The following ARHGEF10L variants were observed in gnomAD, a reference collection of about 807,000 sequenced individuals.
ARHGEF10L encodes rho guanine nucleotide exchange factor 10-like protein.
ARHGEF10L carries 69 observed loss-of-function variants against 141.2 expected under a neutral mutation model. The observed-to-expected ratio is 0.49, with a 90% CI of 0.40 to 0.60. ARHGEF10L has a LOEUF of 0.60. ARHGEF10L is among the 20% of genes least tolerant of loss of function. ARHGEF10L has a pLI of 0.00. For missense variants in ARHGEF10L, 1,482 were observed against 1,734.3 expected (o/e 0.85, Z 2.58); for synonymous variants, 711 against 718.5 (o/e 0.99, Z 0.17).
intron 9 of ARHGEF10L, chr1:17,618,258 C>A: frequency 2.0e-4 from 237 of 1,184,760 alleles, no homozygotes; most frequent in East Asian, 2.8e-4. Flanking sequence ...CCTCAGCCCT[C>A]CCCACCCCGC....
chr1:17,534,182 G>A, the ARHGEF10L span, among the ~76,000 whole-genome samples: 1 of 152,046 alleles, frequency 6.6e-6, no homozygotes, highest in Non-Finnish European at 1.5e-5. Flanking sequence ...GAGTGCAGTG[G>A]CGTGATTTCA....
chr1:17,518,086 G>C, the ARHGEF10L span, among the ~76,000 whole-genome samples: 1 of 152,208 alleles, frequency 6.6e-6, no homozygotes, highest in Non-Finnish European at 1.5e-5. Context: ...ATGTGTTGTT[G>C]TGTCTCCAGA....
At chr1:17,684,017 G>T (rs1488322236) in intron 26 of ARHGEF10L, among the ~76,000 whole-genome samples, 1 of 152,214 alleles carries the variant, frequency 6.6e-6, no homozygotes, top group Non-Finnish European at 1.5e-5. Flanking sequence ...GTGCATGTTT[G>T]TGCATCCGTG....
chr1:17,663,087 T>C (rs2062731985), intron 25 of ARHGEF10L, among the ~76,000 whole-genome samples: 2 of 152,176 alleles, frequency 1.3e-5, no homozygotes, highest in South Asian at 4.1e-4. Context: ...CTGTGTGGCA[T>C]CAGGTGTGAC....
At chr1:17,640,175 C>G in intron 20 of ARHGEF10L, 27 bp from the exon 21 acceptor site, 1 of 1,599,614 alleles carries the variant, frequency 6.3e-7, no homozygotes, top group Non-Finnish European at 8.5e-7. Flanking sequence ...GGTACTCACA[C>G]ATCCACTCTA....
At chr1:17,641,555 C>T (rs983233899) in intron 21 of ARHGEF10L, among the ~76,000 whole-genome samples, 4 of 151,840 alleles carry the variant, frequency 2.6e-5, no homozygotes, top group African/African-American at 7.3e-5. Flanking sequence ...TCCGGGAGTT[C>T]GAGTTTGCGG....
At chr1:17,642,396 G>A (rs1381201283) in intron 21 of ARHGEF10L, among the ~76,000 whole-genome samples, 1 of 152,210 alleles carries the variant, frequency 6.6e-6, no homozygotes, top group Non-Finnish European at 1.5e-5. Flanking sequence ...GGTGTGTTGC[G>A]GGCAGGTTTT....
intron 4 of ARHGEF10L, among the ~76,000 whole-genome samples, chr1:17,601,219 A>G (rs1193264781): frequency 6.6e-6 from 1 of 152,150 alleles, no homozygotes; most frequent in African/African-American, 2.4e-5. Flanking sequence ...ATGGAGGTGA[A>G]GTACCCATTT....
chr1:17,523,159 C>T, the ARHGEF10L span, among the ~76,000 whole-genome samples: 1 of 143,340 alleles, frequency 7.0e-6, no homozygotes, highest in African/African-American at 2.6e-5. Flanking sequence ...GATCTTGGCT[C>T]ACTGCAACGT....
chr1:17,607,827 G>A lies in ARHGEF10L; in HGVS notation c.459G>A (p.Glu153=). Residue 153 remains glutamate (E), a synonymous_variant, in exon 7 of 29, where the codon GAG becomes GAA. Transcript: ENST00000361221. The surrounding 1 kb of genome is among the most constrained non-coding windows in gnomAD (Gnocchi z 4.5). The stretch of plus-strand genomic sequence containing the variant: ...GGGCAGAGAGGAACCTGCTCTACGA[G>A]GATGCGCACCGGGCTGGGGCCCCTC... The part of the protein sequence containing the change: ...QPGAERNLLY[E]DAHRAGAPRQ... 2 of 1,592,714 alleles carry A rather than the reference G, an allele frequency of 1.3e-6. No homozygotes were observed. Among genetic ancestry groups the A allele is most frequent in the Non-Finnish European group, 1.7e-6 (2 of 1,170,662 alleles).
In ARHGEF10L at chr1:17,697,331, G is replaced by A. The variant is rs1416111358; in HGVS notation, c.3791G>A (p.Gly1264Glu). The change falls in exon 29 of 29, where the codon GGG (glycine) becomes GAG (glutamate). Residue 1264 changes from glycine to glutamate, a missense_variant. Coordinates refer to ENST00000361221, the MANE Select transcript of ARHGEF10L (RefSeq NM_018125.4). The surrounding 1 kb of genome is among the most constrained non-coding windows in gnomAD (Gnocchi z 4.8). ...LGSSGRQAPCGETDSTLLIWQ... is the reference protein window; with the variant it reads ...LGSSGRQAPCEETDSTLLIWQ... ...AGCAGTGGGAGGCAGGCCCCGTGTG[G>A]GGAGACGGACAGCACCCTCCTCATC... 1.9e-6 allele frequency: 3 copies of A among 1,611,328 alleles called. No individual in the cohort carries two copies. Among genetic ancestry groups the A allele is most frequent in the Non-Finnish European group, 2.5e-6 (3 of 1,179,060 alleles).
chr1:17,589,102 C>G (rs1296223118), intron 4 of ARHGEF10L, among the ~76,000 whole-genome samples: 1 of 152,126 alleles, frequency 6.6e-6, no homozygotes, highest in Admixed American at 6.5e-5. Flanking sequence ...GGGCCTGCGT[C>G]TTGGCTGTGG....
At chr1:17,653,447 G>T (rs543719304) in intron 22 of ARHGEF10L, among the ~76,000 whole-genome samples, 43 of 152,316 alleles carry the variant, frequency 2.8e-4, no homozygotes, top group African/African-American at 8.7e-4. Flanking sequence ...GCCCACTGGA[G>T]TTGCCATGGA....
At chr1:17,667,740 C>T (rs28709228) in intron 26 of ARHGEF10L, among the ~76,000 whole-genome samples, 2,955 of 152,286 alleles carry the variant, frequency 0.019, 99 homozygotes, top group African/African-American at 0.067. Context: ...GTGAGTGGCG[C>T]GGCCCCAGGG....
intron 26 of ARHGEF10L, among the ~76,000 whole-genome samples, chr1:17,682,992 G>A (rs186227553): frequency 1.4e-4 from 21 of 152,262 alleles, no homozygotes; most frequent in Admixed American, 1.0e-3. Flanking sequence ...CTCTCTCAGG[G>A]TACGTGGATA....
intron 26 of ARHGEF10L, among the ~76,000 whole-genome samples, chr1:17,678,417 G>GT (rs397863291): frequency 0.039 from 5,199 of 132,960 alleles, 292 homozygotes; most frequent in African/African-American, 0.11. Flanking sequence ...AGATTTCAGG[G>GT]TTTTTTTTTT....
upstream of ARHGEF10L, among the ~76,000 whole-genome samples, chr1:17,538,568 T>C (rs1237283825): frequency 2.0e-5 from 3 of 152,218 alleles, no homozygotes; most frequent in South Asian, 2.1e-4. Context: ...CACTGCACTG[T>C]AGCCGTTTGT....
intron 26 of ARHGEF10L, among the ~76,000 whole-genome samples, chr1:17,683,116 G>T (rs137863545): frequency 0.15 from 18,545 of 121,726 alleles, 1,415 homozygotes; most frequent in Middle Eastern, 0.19. Flanking sequence ...TGCTCTCACC[G>T]GGGTGCTCAC....
intron 2 of ARHGEF10L, among the ~76,000 whole-genome samples, chr1:17,584,606 G>T (rs1183718772): frequency 6.6e-6 from 1 of 152,196 alleles, no homozygotes; most frequent in Admixed American, 6.5e-5. Flanking sequence ...GTCTCAGCAG[G>T]TCTCTATGGC....
Sources: gnomAD v4.1 joint callset for allele counts (sites outside exome capture counted in the v4.1 genomes callset) on GRCh38, gnomAD v4.1.1 for gene constraint, Gnocchi (gnomAD v3.1) non-coding constraint, MANE v1.5 for transcripts, NCBI Gene and HGNC (gene_info 2026-07-23, HGNC 2026-07-21) for gene names.